The following C1orf159 variants were observed in gnomAD, a reference collection of about 807,000 sequenced individuals.
C1orf159 encodes uncharacterized protein C1orf159.
A neutral mutation model predicts 25.6 loss-of-function variants in C1orf159; 19 were observed. The observed-to-expected ratio is 0.74, with a 90% CI of 0.52 to 1.09. C1orf159 has a LOEUF of 1.09. Ranked by LOEUF, C1orf159 falls within the 50% of genes least tolerant of loss-of-function variation. The pLI, the probability that C1orf159 is intolerant of heterozygous loss-of-function variation, is 0.00. For missense variants in C1orf159, 274 were observed against 290.6 expected, an observed-to-expected ratio of 0.94 and a Z score of 0.42; for synonymous variants, 139 against 124.7, an observed-to-expected ratio of 1.12 and a Z score of -0.77.
At chr1:1,106,737 G>C (rs1181869466) in intron 1 of C1orf159, 1 of 153,334 alleles carries the variant, frequency 6.5e-6, no homozygotes, top group Admixed American at 6.5e-5. Flanking sequence ...GCCCCTCTCT[G>C]GGCTGGCCGA....
At chr1:1,100,376 A>AG (rs1457013532) in intron 1 of C1orf159, among the ~76,000 whole-genome samples, 1 of 152,082 alleles carries the variant, frequency 6.6e-6, no homozygotes, top group South Asian at 2.1e-4. Context: ...CAGTGATTTT[A>AG]GGTTCATAGC....
chr1:1,092,568 C>T (rs1404509060), intron 1 of C1orf159: 1 of 152,882 alleles, frequency 6.5e-6, no homozygotes, highest in African/African-American at 2.4e-5. Context: ...CAAGTTACCC[C>T]GAGGGGGGCT....
In C1orf159 at chr1:1,082,139, TGTG is replaced by T. The variant is rs979014826; in HGVS notation, c.*751_*753del. On this transcript the variant is annotated 3_prime_UTR_variant, in exon 10 of 10. Transcript: ENST00000421241. ...TGGCAGGTGCAGTGAGGCAGTGACT[TGTG>T]GGGGTTAGATGTGGGCCTGCCCCAC... 9.8e-5 allele frequency: 15 copies of T among 152,532 alleles called. No individual in the cohort carries two copies. Among genetic ancestry groups the T allele is most frequent in the African/African-American group, 3.4e-4 (14 of 41,434 alleles). 9.4% of individuals were successfully genotyped at this position (152,532 alleles called of 1,614,324 possible).
chr1:1,115,485 C>A (rs986003137), intron 1 of C1orf159, among the ~76,000 whole-genome samples: 1 of 146,880 alleles, frequency 6.8e-6, no homozygotes, highest in Non-Finnish European at 1.5e-5. Context: ...GTCCCATCCC[C>A]TCCCCAGGGA....
chr1:1,102,614 T>TAAAA lies in C1orf159; in HGVS notation c.-135-10515_-135-10512dup, dbSNP rs1170365187. Among the ~76,000 whole-genome samples the TAAAA allele has an allele frequency of 1.5e-3, 51 of 34,132 alleles. 2 individuals are homozygous for TAAAA. Among genetic ancestry groups the TAAAA allele is most frequent in the African/African-American group, 2.1e-3 (21 of 10,032 alleles). 22.4% of individuals were successfully genotyped at this position (34,132 alleles called of 152,430 possible). A position where few individuals can be genotyped will look rare whatever the true frequency, so the allele number is the denominator to read the frequency against. On this transcript the variant is annotated intron_variant, in intron 1 of 9. Coordinates refer to ENST00000421241, the MANE Select transcript of C1orf159 (RefSeq NM_017891.5). ...CAACATAGCGAAACCCTGTCTCTAC[T>TAAAA]AAAAAAAAAAAAAAAAAAAAAAAAA... is the stretch of plus-strand genomic sequence containing the variant.
intron 1 of C1orf159, chr1:1,092,464 G>A: frequency 6.5e-6 from 1 of 154,924 alleles, no homozygotes. Context: ...CACAGGACCT[G>A]TTACCATGGC....
At chr1:1,094,906 T>C (rs1295336972) in intron 1 of C1orf159, among the ~76,000 whole-genome samples, 1 of 152,236 alleles carries the variant, frequency 6.6e-6, no homozygotes. Flanking sequence ...GCATTCTGAG[T>C]CACCTTTGTG....
At chr1:1,085,138 C>T (rs906680747) in intron 7 of C1orf159, 24 of 289,558 alleles carry the variant, frequency 8.3e-5, no homozygotes, top group Admixed American at 1.3e-4. Flanking sequence ...GGCCCTGAGA[C>T]CCCGAGAGAG....
At chr1:1,084,107 T>G in intron 9 of C1orf159, 1 of 1,586,394 alleles carries the variant, frequency 6.3e-7, no homozygotes, top group South Asian at 1.1e-5. Flanking sequence ...GGAAAGAGCA[T>G]GGAAGTCACG....
rs566555249 is a variant in C1orf159, at chr1:1,082,970, C to T, written c.520G>A (p.Val174Ile). Residue 174 changes from valine to isoleucine, a missense_variant, in exon 10 of 10, where the codon GTC becomes ATC. Coordinates refer to ENST00000421241, the MANE Select transcript of C1orf159 (RefSeq NM_017891.5). ...PQSSVRKPRY[V>I]RRERPLDRAT... ...CTGTCCAGGGGCCGCTCCCGCCTGA[C>T]GTAGCGCGGCTTCCGTACTGAAACG... 65 of 1,600,360 alleles carry T rather than the reference C, an allele frequency of 4.1e-5. No homozygotes were observed. The highest frequency in any genetic ancestry group is 2.5e-4 in the South Asian group (22 of 88,802).
intron 3 of C1orf159, chr1:1,091,143 G>A (rs554049791): frequency 2.8e-5 from 18 of 635,914 alleles, no homozygotes; most frequent in South Asian, 5.8e-5. Flanking sequence ...GTCTGGAGCC[G>A]CCGCAGCTAC....
At chr1:1,108,468 C>T (rs1276545385) in intron 1 of C1orf159, among the ~76,000 whole-genome samples, 1 of 136,786 alleles carries the variant, frequency 7.3e-6, no homozygotes, top group Non-Finnish European at 1.6e-5. Context: ...ACCACAGCCA[C>T]CATGTCTCAG....
intron 1 of C1orf159, chr1:1,106,052 T>C (rs894304470): frequency 6.6e-6 from 1 of 151,994 alleles, no homozygotes; most frequent in Admixed American, 6.6e-5. Context: ...AGGAACCACT[T>C]AAAAAACAAC....
At chr1:1,105,654 G>A (rs547283669) in intron 1 of C1orf159, among the ~76,000 whole-genome samples, 2 of 152,322 alleles carry the variant, frequency 1.3e-5, no homozygotes, top group East Asian at 3.9e-4. Context: ...GGCCGAGGTG[G>A]GTGGATCACG....
At chr1:1,108,729 C>T (rs570439884) in intron 1 of C1orf159, among the ~76,000 whole-genome samples, 16 of 47,866 alleles carry the variant, frequency 3.3e-4, no homozygotes, top group Middle Eastern at 9.8e-3. Flanking sequence ...TCAGCAGCAC[C>T]GTCCACCACA....
Position 1,082,838 on chromosome 1 carries a change from G to C in C1orf159, c.*55C>G. The C allele has an allele frequency of 6.8e-7, 1 of 1,461,758 alleles. No individual in the cohort carries two copies. The allele number at this position is 1,461,758 out of a possible 1,614,324, so 90.5% of individuals were successfully genotyped here. On this transcript the variant is annotated 3_prime_UTR_variant, in exon 10 of 10. Transcript: ENST00000421241. The stretch of plus-strand genomic sequence containing the variant: ...ACACTTTGTGCTGGTTCCCGCCAAG[G>C]GGTCGGCCTCCGGGTCCCTGCCGCC...
Position 1,082,806 on chromosome 1 carries a change from G to A in C1orf159, c.*87C>T, listed in dbSNP as rs983449331. On this transcript the variant is annotated 3_prime_UTR_variant, in exon 10 of 10. Coordinates refer to ENST00000421241, the MANE Select transcript of C1orf159 (RefSeq NM_017891.5). ...CCCAGGACTGTCCCGGGCGCCGGGC[G>A]ATGCCAACACTTTGTGCTGGTTCCC... The A allele has an allele frequency of 1.4e-5, 18 of 1,248,126 alleles. No individual in the cohort carries two copies. Among genetic ancestry groups the A allele is most frequent in the African/African-American group, 6.0e-5 (4 of 67,016 alleles). The allele number at this position is 1,248,126 out of a possible 1,614,324, so 77.3% of individuals were successfully genotyped here. A position where few individuals can be genotyped will look rare whatever the true frequency, so the allele number is the denominator to read the frequency against.
chr1:1,090,394 C>T lies in C1orf159; in HGVS notation c.107G>A (p.Gly36Asp). 1 of 1,550,486 alleles carries T rather than the reference C, an allele frequency of 6.4e-7. No individual in the cohort carries two copies. The highest frequency in any genetic ancestry group is 2.0e-5 in the Admixed American group (1 of 51,010). ...TGCGCCTGGGCAGCTGGCGTTGACG[C>T]CCACCACATCCACACAGCACTCGGG... ...QLPECCVDVV[G>D]VNASCPGASL... is the part of the protein sequence containing the mutation. Residue 36 changes from glycine (G) to aspartate (D), a missense_variant, in exon 4 of 10, where the codon GGC (glycine) becomes GAC (aspartate). Coordinates refer to ENST00000421241, the MANE Select transcript of C1orf159 (RefSeq NM_017891.5).
In C1orf159 at chr1:1,082,518, G is replaced by A. The variant is rs566519484; in HGVS notation, c.*375C>T. ...GCCCGCTGTGGGCTCTGGAGGGCAC[G>A]GCAGCAGAGCCCCTGGCTTTTCTAG... On this transcript the variant is annotated 3_prime_UTR_variant, in exon 10 of 10. Coordinates refer to ENST00000421241, the MANE Select transcript of C1orf159 (RefSeq NM_017891.5). 7.5e-5 allele frequency: 22 copies of A among 292,918 alleles called. No individual in the cohort carries two copies. In the East Asian group the frequency reaches 8.7e-4, roughly 12 times the overall value. 18.1% of individuals were successfully genotyped at this position (292,918 alleles called of 1,614,324 possible). A position where few individuals can be genotyped will look rare whatever the true frequency, so the allele number is the denominator to read the frequency against.
Sources: allele counts gnomAD v4.1 joint callset (sites outside exome capture counted in the v4.1 genomes callset), GRCh38; gene constraint gnomAD v4.1.1; transcripts MANE v1.5; gene names NCBI Gene and HGNC (gene_info 2026-07-23, HGNC 2026-07-21).